The following DRP2 variants were observed in gnomAD, a reference collection of about 807,000 sequenced individuals.
DRP2 encodes dystrophin-related protein 2.
Under a neutral mutation model 78.2 loss-of-function variants are expected in DRP2, and 29 were observed. That is an observed-to-expected ratio of 0.37 (90% CI 0.28 to 0.51). The LOEUF is 0.51. DRP2 is among the 20% of genes least tolerant of loss of function. DRP2 has a pLI of 0.94. For synonymous variants in DRP2, 290 were observed against 281.9 expected, an observed-to-expected ratio of 1.03 and a Z score of -0.29; for missense variants, 686 against 770.6, an observed-to-expected ratio of 0.89 and a Z score of 1.30.
chrX:101,224,098 C>T (rs979707221), intron 1 of DRP2, among the ~76,000 whole-genome samples: 2 of 107,729 alleles, frequency 1.9e-5, no homozygotes, highest in African/African-American at 3.4e-5. Context: ...TTCCCATTGC[C>T]CTGTTCTTTA....
intron 14 of DRP2, among the ~76,000 whole-genome samples, 162 bp from the exon 15 acceptor site, chrX:101,250,261 C>T (rs769016845): frequency 4.5e-5 from 5 of 111,769 alleles, no homozygotes; most frequent in Non-Finnish European, 7.5e-5. Flanking sequence ...TTTTAGAACT[C>T]GGCTACTAGA....
At position 101,224,181 on chromosome X, in the gene DRP2, G is replaced by GT. The variant is rs1379202759; in HGVS notation, c.-166-423_-166-422insT. On this transcript the variant is annotated intron_variant, in intron 1 of 23. Transcript: ENST00000395209. ...TCCCAAGAATAATAAATGTTTGCTG[G>GT]GTTTTTTTTGTTTTTTTTTTTTTTT... Among the ~76,000 whole-genome samples, 146 of 47,648 alleles carry GT rather than the reference G, an allele frequency of 3.1e-3. 5 individuals carry two copies. Among genetic ancestry groups the GT allele is most frequent in the African/African-American group, 3.7e-3 (30 of 8,192 alleles). The allele number at this position is 47,648 out of a possible 115,157, so 41.4% of individuals were successfully genotyped here.
rs1569508609 is a variant in DRP2, at chrX:101,239,111, C to G, written c.559+10C>G. 4 of 1,205,825 alleles carry G rather than the reference C, an allele frequency of 3.3e-6. No individual in the cohort carries two copies. In the Admixed American group the frequency reaches 8.8e-5, roughly 27 times the overall value. ...CATTCTGAGAGCAAAGGTAGGTGGTCTTCTGTTTTTCCCACTTCTTCTTGA... is the reference window on the plus strand; with the variant it reads ...CATTCTGAGAGCAAAGGTAGGTGGTGTTCTGTTTTTCCCACTTCTTCTTGA... On this transcript the variant is annotated intron_variant, in intron 6 of 23. Transcript: ENST00000395209.
At chrX:101,254,333 C>T in intron 17 of DRP2, 92 bp from the exon 18 acceptor site, 1 of 1,103,138 alleles carries the variant, frequency 9.1e-7, no homozygotes, top group Non-Finnish European at 1.2e-6. Context: ...GTGGATTACC[C>T]AGCAGGCTGT....
intron 14 of DRP2, among the ~76,000 whole-genome samples, chrX:101,249,424 G>A (rs1359563231): frequency 1.8e-5 from 2 of 111,708 alleles, no homozygotes; most frequent in East Asian, 5.6e-4. Context: ...ACATTTCCTT[G>A]CAATGGGATG....
At chrX:101,221,236 A>T (rs1288532943) in intron 1 of DRP2, among the ~76,000 whole-genome samples, 4 of 113,073 alleles carry the variant, frequency 3.5e-5, no homozygotes, top group South Asian at 3.6e-4. Flanking sequence ...CAAAAGCCTT[A>T]AAAAAGCTCT....
chrX:101,225,253 C>T (rs1041943775), intron 2 of DRP2, among the ~76,000 whole-genome samples: 2 of 111,266 alleles, frequency 1.8e-5, no homozygotes, highest in Non-Finnish European at 3.8e-5. Context: ...TGCTTGGGCT[C>T]GCACCTGGTG....
intron 22 of DRP2, among the ~76,000 whole-genome samples, 161 bp downstream of exon 22, chrX:101,258,707 G>A (rs755969063): frequency 6.9e-4 from 76 of 109,951 alleles, no homozygotes; most frequent in Non-Finnish European, 6.1e-4. Context: ...GTGGGGGGGC[G>A]GGGGAAAGAA....
intron 6 of DRP2, 26 bp from the exon 7 acceptor site, chrX:101,241,642 A>G (rs758743561): frequency 8.3e-7 from 1 of 1,207,254 alleles, no homozygotes; most frequent in South Asian, 1.8e-5. Flanking sequence ...GGTTGGCCTA[A>G]CCTGGCTTCC....
At chrX:101,231,504 G>T in intron 2 of DRP2, 81 bp from the exon 3 acceptor site, 2 of 572,887 alleles carry the variant, frequency 3.5e-6, no homozygotes, top group Non-Finnish European at 6.2e-6. Flanking sequence ...TGTATATCTG[G>T]TCAAGGCACC....
At position 101,260,479 on chromosome X, in the gene DRP2, C is replaced by G. The variant is rs781423749; in HGVS notation, c.2750-18C>G. The G allele has an allele frequency of 5.0e-6, 6 of 1,203,192 alleles. No homozygotes were observed. The highest frequency in any genetic ancestry group is 6.7e-6 in the Non-Finnish European group (6 of 892,385). ...GGAGTCTCTAGTTCTCTTCTCAAAT[C>G]TCTGTTTTTTAACCCAGATGATGTG... On this transcript the variant is annotated intron_variant, in intron 23 of 23. Coordinates refer to ENST00000395209, the MANE Select transcript of DRP2 (RefSeq NM_001939.3).
chrX:101,238,506 A>G (rs1922593766), intron 5 of DRP2, among the ~76,000 whole-genome samples: 1 of 111,080 alleles, frequency 9.0e-6, no homozygotes, highest in African/African-American at 3.3e-5. Flanking sequence ...GGGGTGGGGC[A>G]TGAAGGTGAG....
intron 2 of DRP2, among the ~76,000 whole-genome samples, chrX:101,226,350 A>G (rs1035996311): frequency 8.9e-6 from 1 of 112,061 alleles, no homozygotes; most frequent in African/African-American, 3.2e-5. Flanking sequence ...AACATTGTAC[A>G]TTATTCCACA....
chrX:101,235,969 C>T lies in DRP2; in HGVS notation c.227C>T (p.Pro76Leu). 4 of 1,211,892 alleles carry T rather than the reference C, an allele frequency of 3.3e-6. No individual in the cohort carries two copies. In the East Asian group the frequency reaches 1.2e-4, roughly 36 times the overall value. Residue 76 changes from proline to leucine, a missense_variant, in exon 4 of 24, where the codon CCA becomes CTA. Physicochemically the swap from Pro to Leu is moderately conservative, Grantham distance 98. Around this residue, in one of 2 missense-constraint regions of DRP2, gnomAD observed 263 missense variants for 239.1 expected, o/e 1.10. Transcript: ENST00000395209. ...GTTGGTGCCTCTGGACCCCTGGAACCACCAGCCATGAATCTGTGTTGGAAT... is the reference window on the plus strand; with the variant it reads ...GTTGGTGCCTCTGGACCCCTGGAACTACCAGCCATGAATCTGTGTTGGAAT... ...GSVGASGPLE[P>L]PAMNLCWNEI...
Position 101,262,427 on chromosome X carries a change from T to C in DRP2, c.*1806T>C, listed in dbSNP as rs56230120. 0.35 allele frequency: 38,534 copies of C among 110,427 alleles called. 4,903 individuals carry two copies. The highest frequency in any genetic ancestry group is 0.46 in the Middle Eastern group (98 of 214). The allele number at this position is 110,427 out of a possible 1,213,427, so 9.1% of individuals were successfully genotyped here. On this transcript the variant is annotated 3_prime_UTR_variant, in exon 24 of 24. Transcript: ENST00000395209. ...TTGCCAGCTAAGACACAGAGAACAT[T>C]CTCTGGTCCCTTCCAGCTCTTATGG...
intron 11 of DRP2, 53 bp from the exon 12 acceptor site, chrX:101,247,037 G>A: frequency 1.8e-6 from 2 of 1,121,297 alleles, no homozygotes; most frequent in Non-Finnish European, 1.2e-6. Context: ...ATCTTGTTGC[G>A]GCTTTAACTT....
At chrX:101,255,865 G>C (rs1024642956) in intron 20 of DRP2, among the ~76,000 whole-genome samples, 1 of 86,588 alleles carries the variant, frequency 1.2e-5, no homozygotes, top group Non-Finnish European at 2.2e-5. Flanking sequence ...ATTGTTTCCC[G>C]GGGAGGGGGG....
intron 2 of DRP2, among the ~76,000 whole-genome samples, chrX:101,230,883 C>T (rs1313588122): frequency 1.8e-5 from 2 of 112,071 alleles, no homozygotes; most frequent in Non-Finnish European, 3.8e-5. Context: ...CCTCATCTGT[C>T]TCTTCACTTC....
chrX:101,240,438 G>A (rs1922678076), intron 6 of DRP2, among the ~76,000 whole-genome samples: 1 of 112,624 alleles, frequency 8.9e-6, no homozygotes, highest in South Asian at 3.7e-4. Context: ...GTCTCGCCAT[G>A]TTGGCCAGGC....
Sources: allele counts gnomAD v4.1 joint callset (sites outside exome capture counted in the v4.1 genomes callset), GRCh38; gene constraint gnomAD v4.1.1; regional missense constraint gnomAD v4.1.1; transcripts MANE v1.5; gene names NCBI Gene and HGNC (gene_info 2026-07-23, HGNC 2026-07-21).